ESRRG: variants seen among roughly 807,000 people sequenced by gnomAD.
ESRRG encodes the protein estrogen related receptor gamma, also known as estrogen-related receptor gamma.
In ESRRG, 13 loss-of-function variants were observed where a neutral mutation model predicts 44.0. That is an observed-to-expected ratio of 0.30 (90% confidence interval 0.19 to 0.47). ESRRG has a LOEUF of 0.47. Ranked by LOEUF, ESRRG falls within the 20% of genes least tolerant of loss-of-function variation. The pLI, the probability that ESRRG is intolerant of heterozygous loss-of-function variation, is 1.00. For missense variants in ESRRG, 395 were observed against 580.6 expected (o/e 0.68, Z 3.29); for synonymous variants, 215 against 214.6 (o/e 1.00, Z -0.02).
rs115642167 is a variant in ESRRG, at chr1:216,743,757, C to T, written c.-13-66266G>A. Among the ~76,000 whole-genome samples, 656 of 152,278 alleles carry T rather than the reference C, an allele frequency of 4.3e-3. 5 individuals are homozygous for T. The highest frequency in any genetic ancestry group is 0.015 in the African/African-American group (633 of 41,554). ...TGATGGTCAGTGCTGCTAAGTATCA[C>T]AGGTTTATGATGTGCTAGGACTGTG... On this transcript the variant is annotated intron_variant, in intron 2 of 7. Coordinates refer to the ESRRG transcript ENST00000359162.
intron 1 of ESRRG, chr1:217,000,372 T>C (rs759531770): frequency 6.6e-6 from 1 of 152,214 alleles, no homozygotes; most frequent in Non-Finnish European, 1.5e-5. Context: ...CCAGCGATCT[T>C]TGGAGTTCCT....
At chr1:216,960,263 C>A (rs1358014249) in intron 1 of ESRRG, among the ~76,000 whole-genome samples, 9 of 151,982 alleles carry the variant, frequency 5.9e-5, no homozygotes, top group Non-Finnish European at 1.3e-4. Context: ...GGTTATGAAA[C>A]ATAATAACAG....
intron 2 of ESRRG, among the ~76,000 whole-genome samples, chr1:216,934,711 C>T (rs1411568837): frequency 6.6e-6 from 1 of 152,094 alleles, no homozygotes; most frequent in African/African-American, 2.4e-5. Context: ...TGGTCCCTCC[C>T]ACAACACATG....
chr1:216,649,372 T>A (rs939657411), intron 3 of ESRRG, among the ~76,000 whole-genome samples: 4 of 152,070 alleles, frequency 2.6e-5, no homozygotes, highest in Non-Finnish European at 4.4e-5. Flanking sequence ...CATTCACCAA[T>A]GTGACACTGT....
At chr1:216,581,503 C>G (rs905032755) in intron 3 of ESRRG, among the ~76,000 whole-genome samples, 2 of 152,096 alleles carry the variant, frequency 1.3e-5, no homozygotes, top group African/African-American at 4.8e-5. Context: ...TATTCATTTG[C>G]ACAAGTTTCC....
chr1:216,835,201 C>T (rs1278994654), intron 2 of ESRRG, among the ~76,000 whole-genome samples: 1 of 152,262 alleles, frequency 6.6e-6, no homozygotes, highest in East Asian at 1.9e-4. Flanking sequence ...AAAACTTCAG[C>T]TGATTAAATT....
chr1:216,660,907 T>G (rs1047403634), intron 2 of ESRRG, among the ~76,000 whole-genome samples: 1 of 152,032 alleles, frequency 6.6e-6, no homozygotes, highest in Non-Finnish European at 1.5e-5. Context: ...AAGCAACAGG[T>G]GTCAGGTTGT....
rs1211257646 is a variant in ESRRG at position 216,504,915 on chromosome 1, C to G, written c.*2024G>C. ...TACTGGTAAGGAATAGAATATACTA[C>G]TGTAGTCTCCTGAGGAATTGTACAT... is the stretch of plus-strand genomic sequence containing the variant. On this transcript the variant is annotated 3_prime_UTR_variant, in exon 7 of 7. Transcript: ENST00000408911. 1 of 152,550 alleles carries G rather than the reference C, an allele frequency of 6.6e-6. No individual in the cohort carries two copies. Among genetic ancestry groups the G allele is most frequent in the East Asian group, 1.9e-4 (1 of 5,190 alleles). 9.4% of individuals were successfully genotyped at this position (152,550 alleles called of 1,614,324 possible).
intron 2 of ESRRG, among the ~76,000 whole-genome samples, chr1:216,841,365 C>T (rs2095650927): frequency 6.6e-6 from 1 of 151,998 alleles, no homozygotes; most frequent in African/African-American, 2.4e-5. Context: ...GGGCAAACAT[C>T]TAACTTTTAA....
chr1:216,789,224 C>T (rs777911990), intron 2 of ESRRG, among the ~76,000 whole-genome samples: 3 of 152,058 alleles, frequency 2.0e-5, no homozygotes, highest in Non-Finnish European at 4.4e-5. Context: ...AAGTAAGAGT[C>T]AATCAATGTG....
At position 216,994,833 on chromosome 1, in the gene ESRRG, C is replaced by T. The variant is rs2076176258; in HGVS notation, c.-105-55160G>A. ...ATCTCCTGACCTCGTGATCCACCCA[C>T]CTCGGCCTCTCAAAGTGCTGGGATT... On this transcript the variant is annotated intron_variant, in intron 1 of 7. Transcript: ENST00000359162. Among the ~76,000 whole-genome samples, 3 of 152,096 alleles carry T rather than the reference C, an allele frequency of 2.0e-5. No individual in the cohort carries two copies. The South Asian group carries it at 6.2e-4, about 32-fold the overall frequency.
intron 1 of ESRRG, among the ~76,000 whole-genome samples, chr1:217,102,690 A>G (rs1418466221): frequency 6.6e-6 from 1 of 152,224 alleles, no homozygotes. Context: ...ATTAAAAACT[A>G]CATTCCAAGC....
At chr1:216,941,997 C>CTACT (rs1198371376) in intron 1 of ESRRG, among the ~76,000 whole-genome samples, 3 of 152,124 alleles carry the variant, frequency 2.0e-5, no homozygotes, top group African/African-American at 2.4e-5. Context: ...ATTTGGGCTT[C>CTACT]TACTGATCCT....
intron 2 of ESRRG, among the ~76,000 whole-genome samples, chr1:216,873,226 T>TTTTG (rs1181409600): frequency 6.7e-6 from 1 of 149,692 alleles, no homozygotes; most frequent in Non-Finnish European, 1.5e-5. Flanking sequence ...TTTTTTTTTT[T>TTTTG]TTTTGACAGA....
intron 1 of ESRRG, among the ~76,000 whole-genome samples, chr1:217,025,026 C>T (rs2080963716): frequency 6.6e-6 from 1 of 152,116 alleles, no homozygotes; most frequent in Admixed American, 6.5e-5. Flanking sequence ...CTGTGGAGCC[C>T]CTGCATACAC....
chr1:217,050,264 T>C (rs1316452510), intron 1 of ESRRG, among the ~76,000 whole-genome samples: 1 of 152,150 alleles, frequency 6.6e-6, no homozygotes, highest in African/African-American at 2.4e-5. Context: ...GAGAAGTTGC[T>C]GAAGTAGTAA....
chr1:216,517,022 C>A (rs1475905684), intron 6 of ESRRG, among the ~76,000 whole-genome samples: 1 of 152,062 alleles, frequency 6.6e-6, no homozygotes, highest in Non-Finnish European at 1.5e-5. Context: ...CCTTAGAGTT[C>A]TTAATCAGTT....
At chr1:216,559,821 T>C (rs2058368977) in intron 5 of ESRRG, among the ~76,000 whole-genome samples, 2 of 152,280 alleles carry the variant, frequency 1.3e-5, no homozygotes, top group Non-Finnish European at 2.9e-5. Context: ...TCTGTAAAAT[T>C]TATTAGAACA....
chr1:216,693,535 T>C (rs1212200959), intron 1 of ESRRG, among the ~76,000 whole-genome samples: 2 of 152,308 alleles, frequency 1.3e-5, no homozygotes, highest in Non-Finnish European at 1.5e-5. Context: ...GTCCCATATA[T>C]AAATTGATGT....
Sources: allele counts gnomAD v4.1 joint callset (sites outside exome capture counted in the v4.1 genomes callset), GRCh38; gene constraint gnomAD v4.1.1; transcripts MANE v1.5; gene names NCBI Gene and HGNC (gene_info 2026-07-23, HGNC 2026-07-21).